Variants in RALYL observed in about 807,000 individuals in gnomAD.
RALYL encodes RALY RNA binding protein like.
A neutral mutation model predicts 35.1 loss-of-function variants in RALYL; 29 were observed. The observed-to-expected ratio is 0.83, with a 90% CI of 0.61 to 1.13. The LOEUF (loss-of-function observed/expected upper bound fraction) is 1.13. Among genes scored for constraint, RALYL ranks in the 50% most tolerant of loss-of-function variants. The pLI is 0.00. For synonymous variants in RALYL, 120 were observed against 127.6 expected (o/e 0.94, Z 0.40); for missense variants, 359 against 360.4 (o/e 1.00, Z 0.03).
intron 8 of RALYL, among the ~76,000 whole-genome samples, chr8:84,918,045 C>CT (rs908049374): frequency 6.6e-6 from 1 of 151,964 alleles, no homozygotes; most frequent in Non-Finnish European, 1.5e-5. Context: ...TAAGACTTTG[C>CT]TTTTCTATAA....
chr8:84,466,800 A>T (rs2051744459), intron 1 of RALYL, among the ~76,000 whole-genome samples: 1 of 151,574 alleles, frequency 6.6e-6, no homozygotes, highest in Non-Finnish European at 1.5e-5. Flanking sequence ...TAAGCTATTG[A>T]TTATTGCCAC....
intron 2 of RALYL, among the ~76,000 whole-genome samples, chr8:84,755,236 C>T (rs765742835): frequency 6.6e-5 from 10 of 152,134 alleles, no homozygotes; most frequent in Admixed American, 1.3e-4. Context: ...AGTCACATCT[C>T]CTAAAAACAG....
intron 1 of RALYL, among the ~76,000 whole-genome samples, chr8:84,215,150 A>G (rs1255424454): frequency 6.6e-6 from 1 of 152,098 alleles, no homozygotes; most frequent in Non-Finnish European, 1.5e-5. Flanking sequence ...TTACAAGAAA[A>G]AACACTGATT....
chr8:84,694,469 A>G (rs953030070), intron 2 of RALYL, among the ~76,000 whole-genome samples: 1 of 151,980 alleles, frequency 6.6e-6, no homozygotes, highest in Non-Finnish European at 1.5e-5. Flanking sequence ...GAAGACACAA[A>G]TAAGTAGAAA....
chr8:84,202,374 T>G (rs932059654), intron 1 of RALYL, among the ~76,000 whole-genome samples: 1 of 146,438 alleles, frequency 6.8e-6, no homozygotes, highest in Non-Finnish European at 1.5e-5. Flanking sequence ...GGGATTTTTT[T>G]TTTTTTTTTT....
At chr8:84,197,684 T>C (rs564607096) in intron 1 of RALYL, among the ~76,000 whole-genome samples, 4 of 151,642 alleles carry the variant, frequency 2.6e-5, no homozygotes, top group African/African-American at 7.3e-5. Context: ...ATCCGAGCTC[T>C]CAGGGAGGCA....
At chr8:84,737,689 ATGTGGTGGTG>A (rs1394010225) in intron 2 of RALYL, among the ~76,000 whole-genome samples, 24 of 152,022 alleles carry the variant, frequency 1.6e-4, no homozygotes, top group African/African-American at 5.6e-4. Context: ...CTCATCAGCA[ATGTGGTGGTG>A]TCTGGAGGAG....
chr8:84,560,335 A>G (rs2061400442), intron 2 of RALYL, among the ~76,000 whole-genome samples: 2 of 152,012 alleles, frequency 1.3e-5, no homozygotes, highest in Admixed American at 1.3e-4. Context: ...AAAGAAGGTG[A>G]AGTAGAAGTT....
At chr8:84,615,491 A>G (rs1317849076) in intron 2 of RALYL, among the ~76,000 whole-genome samples, 1 of 150,816 alleles carries the variant, frequency 6.6e-6, no homozygotes, top group Non-Finnish European at 1.5e-5. Flanking sequence ...GTTAAATTAA[A>G]TGTGATTAAT....
chr8:84,807,698 T>C (rs1203468415), intron 4 of RALYL, among the ~76,000 whole-genome samples: 3 of 152,204 alleles, frequency 2.0e-5, no homozygotes, highest in Non-Finnish European at 2.9e-5. Flanking sequence ...ATTTTTTGAT[T>C]ATGGCCATTT....
chr8:84,729,528 AAAATC>A (rs1228027600), intron 2 of RALYL, among the ~76,000 whole-genome samples: 1 of 152,140 alleles, frequency 6.6e-6, no homozygotes, highest in East Asian at 1.9e-4. Context: ...AGAAATAACT[AAAATC>A]AGAGCAGAAC....
intron 1 of RALYL, among the ~76,000 whole-genome samples, chr8:84,239,142 G>A (rs1563589113): frequency 2.6e-5 from 4 of 152,132 alleles, no homozygotes; most frequent in Non-Finnish European, 2.9e-5. Flanking sequence ...TTGATGTATG[G>A]TTTGACCATT....
At chr8:84,876,416 C>CTT (rs1841152934) in intron 7 of RALYL, among the ~76,000 whole-genome samples, 1 of 152,204 alleles carries the variant, frequency 6.6e-6, no homozygotes, top group Admixed American at 6.5e-5. Flanking sequence ...ACAAGTAACA[C>CTT]TTAAAATCAG....
chr8:84,419,874 C>G (rs1262748309), intron 1 of RALYL, among the ~76,000 whole-genome samples: 2 of 151,732 alleles, frequency 1.3e-5, no homozygotes, highest in Non-Finnish European at 2.9e-5. Flanking sequence ...AGGACATTAA[C>G]TCATCATTTT....
chr8:84,711,512 T>C (rs1842182505), intron 2 of RALYL, among the ~76,000 whole-genome samples: 1 of 152,188 alleles, frequency 6.6e-6, no homozygotes, highest in Non-Finnish European at 1.5e-5. Flanking sequence ...ATAAATATCC[T>C]TGTATTCTTT....
At chr8:84,473,243 T>G (rs545128157) in intron 1 of RALYL, among the ~76,000 whole-genome samples, 8 of 152,044 alleles carry the variant, frequency 5.3e-5, no homozygotes, top group African/African-American at 1.9e-4. Flanking sequence ...TATGTAAAAG[T>G]AGAAGAATAT....
intron 1 of RALYL, among the ~76,000 whole-genome samples, chr8:84,408,567 G>A (rs367760912): frequency 1.3e-5 from 2 of 152,124 alleles, no homozygotes; most frequent in Non-Finnish European, 2.9e-5. Context: ...GCAGCATGGG[G>A]TGGATGAATA....
chr8:84,891,778 T>C (rs558227326), intron 8 of RALYL, among the ~76,000 whole-genome samples: 1 of 152,282 alleles, frequency 6.6e-6, no homozygotes, highest in South Asian at 2.1e-4. Flanking sequence ...TTCACTGTTA[T>C]CTCCTTTCCA....
intron 2 of RALYL, among the ~76,000 whole-genome samples, chr8:84,713,310 A>C (rs988048931): frequency 6.6e-6 from 1 of 152,034 alleles, no homozygotes; most frequent in African/African-American, 2.4e-5. Flanking sequence ...ACATATTTTC[A>C]ATATTAAACT....
Sources: allele counts gnomAD v4.1 joint callset (sites outside exome capture counted in the v4.1 genomes callset), GRCh38; gene constraint gnomAD v4.1.1; transcripts MANE v1.5; gene names NCBI Gene and HGNC (gene_info 2026-07-23, HGNC 2026-07-21).